HNF4A: variants seen among roughly 807,000 people sequenced by gnomAD.
HNF4A encodes the protein hepatocyte nuclear factor 4 alpha, also known as hepatocyte nuclear factor 4-alpha.
Under a neutral mutation model 52.4 loss-of-function variants are expected in HNF4A, and 15 were observed. The ratio of observed to expected loss-of-function variants is 0.29; its 90% CI spans 0.19 to 0.44. The LOEUF is 0.44. Ranked by LOEUF, HNF4A falls within the 20% of genes least tolerant of loss-of-function variation. The pLI, the probability that HNF4A is intolerant of heterozygous loss-of-function variation, is 1.00. For missense variants in HNF4A, 479 were observed against 647.2 expected (o/e 0.74, Z 2.82); for synonymous variants, 280 against 264.4 (o/e 1.06, Z -0.57).
intron 1 of HNF4A, among the ~76,000 whole-genome samples, chr20:44,359,972 A>T (rs1402591444): frequency 6.6e-6 from 1 of 152,142 alleles, no homozygotes; most frequent in African/African-American, 2.4e-5. Context: ...TCCTGGCCTT[A>T]TTACTTTTCT....
At chr20:44,394,182 C>T (rs1397332114) in intron 1 of HNF4A, among the ~76,000 whole-genome samples, 1 of 152,140 alleles carries the variant, frequency 6.6e-6, no homozygotes, top group Non-Finnish European at 1.5e-5. Flanking sequence ...AACGGCATGG[C>T]AAGGCGTTTG....
chr20:44,405,476 C>T (rs183853951), intron 1 of HNF4A, among the ~76,000 whole-genome samples: 1 of 152,140 alleles, frequency 6.6e-6, no homozygotes, highest in African/African-American at 2.4e-5. Flanking sequence ...CCTGCCTCTA[C>T]GGCCCCCCTC....
chr20:44,369,388 C>T (rs1294721703), intron 1 of HNF4A, among the ~76,000 whole-genome samples: 1 of 151,174 alleles, frequency 6.6e-6, no homozygotes, highest in African/African-American at 2.4e-5. Flanking sequence ...AAACATCATG[C>T]CACTGCACTC....
rs77162749 is a variant in HNF4A at position 44,393,395 on chromosome 20, G to A, written c.50-12663G>A. Among the ~76,000 whole-genome samples, 200 of 152,188 alleles carry A rather than the reference G, an allele frequency of 1.3e-3. 5 individuals are homozygous for A. In the East Asian group the frequency reaches 0.033, roughly 25 times the overall value. On this transcript the variant is annotated intron_variant, in intron 1 of 9. Coordinates refer to the HNF4A transcript ENST00000316673. ...AGACCATACTCTCTGCCCTACCTCC[G>A]GAGCCTTACAGTCAGCATCTCCCAC...
chr20:44,376,741 T>C (rs567209649), intron 1 of HNF4A, among the ~76,000 whole-genome samples: 1 of 152,320 alleles, frequency 6.6e-6, no homozygotes, highest in East Asian at 1.9e-4. Flanking sequence ...ATTTTCACAG[T>C]TCTACCATAC....
At chr20:44,424,452 A>C (rs2063791406) in intron 8 of HNF4A, 198 bp downstream of exon 8, 5 of 1,048,360 alleles carry the variant, frequency 4.8e-6, no homozygotes, top group Non-Finnish European at 7.1e-6. Flanking sequence ...GGCACCGAGA[A>C]CCTAGCACGT....
At chr20:44,385,488 T>C (rs1041315741) in intron 1 of HNF4A, among the ~76,000 whole-genome samples, 3 of 152,114 alleles carry the variant, frequency 2.0e-5, no homozygotes, top group Non-Finnish European at 2.9e-5. Flanking sequence ...GTTTATTAAT[T>C]TATGGACTCT....
At chr20:44,385,157 T>G (rs528050104) in intron 1 of HNF4A, among the ~76,000 whole-genome samples, 1 of 147,444 alleles carries the variant, frequency 6.8e-6, no homozygotes, top group South Asian at 2.2e-4. Flanking sequence ...TGTCACCACT[T>G]GCTATCTAGG....
At chr20:44,392,729 T>C (rs2063315699) in intron 1 of HNF4A, among the ~76,000 whole-genome samples, 1 of 152,226 alleles carries the variant, frequency 6.6e-6, no homozygotes, top group South Asian at 2.1e-4. Flanking sequence ...ACTTCTCCAA[T>C]GGGAAACCAA....
chr20:44,393,934 C>T (rs1484895188), intron 1 of HNF4A, among the ~76,000 whole-genome samples: 2 of 152,148 alleles, frequency 1.3e-5, no homozygotes, highest in South Asian at 4.1e-4. Flanking sequence ...CCAGGCTGGT[C>T]TCAAACTCTT....
At chr20:44,404,947 G>T (rs117542542) in intron 1 of HNF4A, among the ~76,000 whole-genome samples, 88,500 of 95,428 alleles carry the variant, frequency 0.93, 40,812 homozygotes, top group East Asian at 0.97. Context: ...TGCGTGTGTG[G>T]GAACTGTGTG....
intron 1 of HNF4A, among the ~76,000 whole-genome samples, chr20:44,382,013 A>G (rs1369265401): frequency 1.3e-5 from 2 of 152,230 alleles, no homozygotes; most frequent in Admixed American, 1.3e-4. Context: ...AATCTATGAA[A>G]AGGTCCTATC....
chr20:44,415,744 C>T (rs2063654905), intron 5 of HNF4A, among the ~76,000 whole-genome samples: 1 of 152,224 alleles, frequency 6.6e-6, no homozygotes, highest in Admixed American at 6.5e-5. Context: ...CCTGGAACAC[C>T]TATTAATACT....
intron 1 of HNF4A, among the ~76,000 whole-genome samples, chr20:44,364,967 T>C (rs1009128890): frequency 6.6e-6 from 1 of 152,110 alleles, no homozygotes; most frequent in Non-Finnish European, 1.5e-5. Flanking sequence ...CCTTGCCAAA[T>C]GCAAGGGGGT....
Position 44,432,225 on chromosome 20 carries a change from C to A in HNF4A, c.*2560C>A, listed in dbSNP as rs2063886091. 6.6e-6 allele frequency: 1 copy of A among 152,152 alleles called. No homozygotes were observed. The highest frequency in any genetic ancestry group is 1.5e-5 in the Non-Finnish European group (1 of 68,042). The allele number at this position is 152,152 out of a possible 1,614,324, so 9.4% of individuals were successfully genotyped here. A position where few individuals can be genotyped will look rare whatever the true frequency, so the allele number is the denominator to read the frequency against. ...GGGTCAGTTCTCTGCTGGGAATCTA[C>A]CCCTTTCTGGAGGAGAAACCCATTC... On this transcript the variant is annotated 3_prime_UTR_variant, in exon 10 of 10. Transcript: ENST00000316099.
At chr20:44,385,936 T>C (rs1485960022) in intron 1 of HNF4A, among the ~76,000 whole-genome samples, 1 of 150,534 alleles carries the variant, frequency 6.6e-6, no homozygotes, top group Non-Finnish European at 1.5e-5. Flanking sequence ...CTTCACTCAC[T>C]GGAACCTCCA....
chr20:44,406,312 G>T (rs1239741224), intron 2 of HNF4A, 80 bp downstream of exon 2: 17 of 1,331,228 alleles, frequency 1.3e-5, no homozygotes, highest in Non-Finnish European at 1.8e-5. Flanking sequence ...TCCCTGAGTG[G>T]GTAGGTCCCA....
intron 1 of HNF4A, among the ~76,000 whole-genome samples, chr20:44,379,030 G>A (rs917190021): frequency 2.3e-4 from 35 of 151,974 alleles, no homozygotes; most frequent in Admixed American, 1.8e-3. Context: ...CTTTCCTGTA[G>A]GCTAGTGGAA....
At position 44,432,778 on chromosome 20, in the gene HNF4A, C is replaced by T. The variant is rs2063893843; in HGVS notation, c.*3113C>T. 1 of 152,156 alleles carries T rather than the reference C, an allele frequency of 6.6e-6. No individual in the cohort carries two copies. The highest frequency in any genetic ancestry group is 6.5e-5 in the Admixed American group (1 of 15,276). 9.4% of individuals were successfully genotyped at this position (152,156 alleles called of 1,614,324 possible). A position where few individuals can be genotyped will look rare whatever the true frequency, so the allele number is the denominator to read the frequency against. ...CCTGATGGGGCAAAGAAACAAAAAA[C>T]ATTTCTTACTCTTCTGTGTTTTAAC... is the stretch of plus-strand genomic sequence containing the variant. On this transcript the variant is annotated 3_prime_UTR_variant, in exon 10 of 10. Coordinates refer to ENST00000316099, the MANE Select transcript of HNF4A (RefSeq NM_000457.6).
Sources: allele counts gnomAD v4.1 joint callset (sites outside exome capture counted in the v4.1 genomes callset), GRCh38; gene constraint gnomAD v4.1.1; transcripts MANE v1.5; gene names NCBI Gene and HGNC (gene_info 2026-07-23, HGNC 2026-07-21).